Variants in MYO6 observed in about 807,000 individuals in gnomAD.
MYO6 encodes the protein myosin VI.
Under a neutral mutation model 178.7 loss-of-function variants are expected in MYO6, and 74 were observed. The observed-to-expected ratio is 0.41, with a 90% CI of 0.34 to 0.50. MYO6 has a LOEUF of 0.50. MYO6 is among the 20% of genes least tolerant of loss of function. The pLI is 0.09. For synonymous variants in MYO6, 477 were observed against 504.6 expected (o/e 0.95, Z 0.73); for missense variants, 1,330 against 1,547.4 (o/e 0.86, Z 2.36).
At chr6:75,784,125 C>T (rs376904770) in intron 1 of MYO6, among the ~76,000 whole-genome samples, 51 of 152,168 alleles carry the variant, frequency 3.4e-4, no homozygotes, top group Middle Eastern at 3.4e-3. Context: ...GCGCATGCCA[C>T]CATGCCCGGC....
chr6:75,850,035 A>G (rs1472689504), intron 11 of MYO6, among the ~76,000 whole-genome samples: 1 of 152,148 alleles, frequency 6.6e-6, no homozygotes, highest in Admixed American at 6.6e-5. Context: ...TTATGGCAAA[A>G]TTTTTGCTGT....
At chr6:75,871,621 C>CT (rs1777161079) in intron 19 of MYO6, among the ~76,000 whole-genome samples, 1 of 152,244 alleles carries the variant, frequency 6.6e-6, no homozygotes, top group East Asian at 1.9e-4. Context: ...ATTATTGTTG[C>CT]TTAACTTACT....
At chr6:75,764,935 C>T (rs191024612) in intron 1 of MYO6, among the ~76,000 whole-genome samples, 15 of 150,980 alleles carry the variant, frequency 9.9e-5, no homozygotes, top group Admixed American at 1.3e-4. Flanking sequence ...GGAGGTGGAG[C>T]TTGCAGTGAG....
chr6:75,848,245 A>C (rs1405967162), intron 10 of MYO6, 106 bp from the exon 11 acceptor site: 1 of 1,041,606 alleles, frequency 9.6e-7, no homozygotes, highest in East Asian at 2.4e-5. Context: ...CCATTGACAG[A>C]TTTTATTTTT....
At chr6:75,777,584 C>T (rs957397363) in intron 1 of MYO6, among the ~76,000 whole-genome samples, 3 of 151,902 alleles carry the variant, frequency 2.0e-5, no homozygotes, top group Non-Finnish European at 2.9e-5. Flanking sequence ...TGCGCCACCA[C>T]ACCCAGCTAA....
rs971409488 is a variant in MYO6, at chr6:75,859,065, C to T, written c.1473+72C>T. The T allele has an allele frequency of 1.1e-5, 11 of 1,018,596 alleles. 1 individual carries two copies. In the South Asian group the frequency reaches 1.2e-4, roughly 11 times the overall value. The allele number at this position is 1,018,596 out of a possible 1,614,324, so 63.1% of individuals were successfully genotyped here. A position where few individuals can be genotyped will look rare whatever the true frequency, so the allele number is the denominator to read the frequency against. On this transcript the variant is annotated intron_variant, in intron 14 of 34. Transcript: ENST00000369977. ...TAAATTTTAAGGAAGAGATATGCTG[C>T]AGTTACCCTGATTGGTGTGGATGGA...
intron 1 of MYO6, among the ~76,000 whole-genome samples, chr6:75,803,707 A>G (rs1239428361): frequency 6.6e-6 from 1 of 152,102 alleles, no homozygotes; most frequent in Non-Finnish European, 1.5e-5. Context: ...CCGAGTTTGG[A>G]CTTAGTGATG....
intron 18 of MYO6, 37 bp from the exon 19 acceptor site, chr6:75,870,610 T>G (rs1469984948): frequency 1.3e-6 from 2 of 1,584,130 alleles, no homozygotes. Flanking sequence ...GTACTTTGGC[T>G]TTTTGAAATA....
Position 75,835,915 on chromosome 6 carries a change from C to T in MYO6, c.512C>T (p.Ser171Phe). ...TKFVLRYLTE[S>F]YGTGQDIDDR... is the part of the protein sequence containing the mutation. ...ATTTTAAACAGATACCTGACTGAAT[C>T]CTATGGAACAGGTCAAGATATTGAT... The change falls in exon 7 of 35, where the codon TCC becomes TTC. Residue 171 changes from serine to phenylalanine, a missense_variant. By Grantham distance (155) the Ser-to-Phe change is radical. Transcript: ENST00000369977. 1 of 1,602,952 alleles carries T rather than the reference C, an allele frequency of 6.2e-7. No individual in the cohort carries two copies. The highest frequency in any genetic ancestry group is 8.5e-7 in the Non-Finnish European group (1 of 1,169,966).
In MYO6 at chr6:75,861,111, C is replaced by T. The variant is rs2149294352; in HGVS notation, c.1546+16C>T. ...GACTGTATAGGTATGTGTTTTTTAA[C>T]TCCACCTTTGAAAAATATAGGAAGA... On this transcript the variant is annotated intron_variant, in intron 15 of 34. Transcript: ENST00000369977. 6.3e-7 allele frequency: 1 copy of T among 1,584,608 alleles called. No individual in the cohort carries two copies. Among genetic ancestry groups the T allele is most frequent in the Non-Finnish European group, 8.7e-7 (1 of 1,153,876 alleles).
At chr6:75,895,179 T>G (rs1779198686) in intron 28 of MYO6, 52 bp from the exon 29 acceptor site, 1 of 1,406,836 alleles carries the variant, frequency 7.1e-7, no homozygotes, top group South Asian at 1.2e-5. Context: ...AATCCAGATT[T>G]TCACAGTTCA....
intron 30 of MYO6, among the ~76,000 whole-genome samples, chr6:75,900,595 G>A (rs1015033078): frequency 6.6e-6 from 1 of 151,944 alleles, no homozygotes; most frequent in Non-Finnish European, 1.5e-5. Flanking sequence ...TTGTTTTCTT[G>A]TAAATTTGTT....
At chr6:75,835,591 C>T (rs1440622926) in intron 6 of MYO6, among the ~76,000 whole-genome samples, 1 of 152,058 alleles carries the variant, frequency 6.6e-6, no homozygotes, top group African/African-American at 2.4e-5. Flanking sequence ...GCCAGCATGC[C>T]TGGCTAATTT....
rs552246011 is a variant in MYO6 at position 75,915,704 on chromosome 6, C to CT, written c.*697dup. On this transcript the variant is annotated 3_prime_UTR_variant, in exon 35 of 35. Transcript: ENST00000369977. ...CAATGTGTGTTGCTGTCAGAATATT[C>CT]TTTTTATATTCTGTGGAAAAATAAA... 5.8e-4 allele frequency: 89 copies of CT among 152,662 alleles called. No homozygotes were observed. The highest frequency in any genetic ancestry group is 2.1e-3 in the African/African-American group (89 of 41,528). 9.5% of individuals were successfully genotyped at this position (152,662 alleles called of 1,614,324 possible).
intron 1 of MYO6, among the ~76,000 whole-genome samples, chr6:75,816,681 A>C (rs1201363203): frequency 1.3e-5 from 2 of 152,222 alleles, no homozygotes; most frequent in African/African-American, 4.8e-5. Context: ...ACATCAGTCC[A>C]TTCTCAGAGA....
chr6:75,911,550 G>A, intron 32 of MYO6, 122 bp from the exon 33 acceptor site: 2 of 825,972 alleles, frequency 2.4e-6, no homozygotes, highest in Non-Finnish European at 4.0e-6. Flanking sequence ...TATTTGGCTT[G>A]TGGATAGGAT....
rs1391352546 is a variant in MYO6 at position 75,817,562 on chromosome 6, G to C, written c.15G>C (p.Lys5Asn). Reference sequence around the variant, plus strand: ...CTCCTTCAAAAATGGAGGATGGAAAGCCCGTTTGGGCGCCACACCCTACAG... The same window carrying C: ...CTCCTTCAAAAATGGAGGATGGAAACCCCGTTTGGGCGCCACACCCTACAG... Reference protein sequence around the residue: MEDGKPVWAPHPTDG... With the variant: MEDGNPVWAPHPTDG... The change falls in exon 2 of 35, where the codon AAG (lysine) becomes AAC (asparagine). Residue 5 changes from lysine (K) to asparagine (N), a missense_variant. Lys to Asn is a moderately conservative substitution (Grantham distance 94). This residue lies in a region of MYO6 where 116 missense variants were observed against 104.6 expected (regional missense o/e 1.11). Coordinates refer to ENST00000369977, the MANE Select transcript of MYO6 (RefSeq NM_004999.4). 2.5e-6 allele frequency: 4 copies of C among 1,614,178 alleles called. No individual in the cohort carries two copies. The highest frequency in any genetic ancestry group is 3.4e-6 in the Non-Finnish European group (4 of 1,180,008).
At chr6:75,858,426 T>G (rs1296842507) in intron 13 of MYO6, among the ~76,000 whole-genome samples, 1 of 152,100 alleles carries the variant, frequency 6.6e-6, no homozygotes, top group Non-Finnish European at 1.5e-5. Flanking sequence ...GGTAACATGG[T>G]GAAACCCTGT....
At chr6:75,867,927 A>G (rs1776828814) in intron 18 of MYO6, among the ~76,000 whole-genome samples, 1 of 152,192 alleles carries the variant, frequency 6.6e-6, no homozygotes, top group South Asian at 2.1e-4. Flanking sequence ...AAACTATAGT[A>G]TGTAGAACAA....
Sources: gnomAD v4.1 joint callset for allele counts (sites outside exome capture counted in the v4.1 genomes callset) on GRCh38, gnomAD v4.1.1 for gene constraint, gnomAD v4.1.1 regional missense constraint, MANE v1.5 for transcripts, NCBI Gene and HGNC (gene_info 2026-07-23, HGNC 2026-07-21) for gene names.